The following CUBN variants were observed in gnomAD, a reference collection of about 807,000 sequenced individuals.
CUBN encodes the protein cubilin, also known as 460 kDa receptor.
CUBN carries 282 observed loss-of-function variants against 405.3 expected under a neutral mutation model. The ratio of observed to expected loss-of-function variants is 0.70; its 90% CI spans 0.63 to 0.77. The LOEUF (loss-of-function observed/expected upper bound fraction) is 0.77, where lower values mean the gene tolerates loss of function less well. Ranked by LOEUF, CUBN falls within the 30% of genes least tolerant of loss-of-function variation. CUBN has a pLI of 0.00. For missense variants in CUBN, 4,514 were observed against 4,475.2 expected (o/e 1.01, Z -0.25); for synonymous variants, 1,684 against 1,617.0 (o/e 1.04, Z -0.99).
In CUBN at chr10:16,928,305, T is replaced by C. The variant is rs75386064; in HGVS notation, c.6125-2A>G. The stretch of plus-strand genomic sequence containing the variant: ...GCTGCTGGGCCAAGTTATTATCTCC[T>C]ACGTTGAAAGAAAGGGAACAACATG... On this transcript the variant is annotated splice_acceptor_variant, in intron 40 of 66. Transcript: ENST00000377833. LOFTEE classifies it high-confidence loss of function. The C allele has an allele frequency of 4.6e-4, 742 of 1,613,652 alleles. 3 individuals are homozygous for C. In the African/African-American group the frequency reaches 7.1e-3, roughly 16 times the overall value.
At chr10:16,867,287 G>C (rs1487784185) in intron 59 of CUBN, among the ~76,000 whole-genome samples, 1 of 152,162 alleles carries the variant, frequency 6.6e-6, no homozygotes, top group Non-Finnish European at 1.5e-5. Context: ...GGAGGCAAAA[G>C]GGGCATCCTA....
chr10:17,071,715 T>C, intron 18 of CUBN, 111 bp from the exon 19 acceptor site: 1 of 1,481,870 alleles, frequency 6.7e-7, no homozygotes, highest in Non-Finnish European at 9.3e-7. Flanking sequence ...AACATTTCTA[T>C]GAGAATATTT....
intron 27 of CUBN, 81 bp from the exon 28 acceptor site, chr10:17,020,064 A>C: frequency 6.6e-7 from 1 of 1,517,682 alleles, no homozygotes; most frequent in South Asian, 1.1e-5. Context: ...AAGTAGCAAA[A>C]GCTGTTCCTT....
chr10:16,927,798 T>C (rs1842234241), intron 41 of CUBN, among the ~76,000 whole-genome samples: 1 of 152,230 alleles, frequency 6.6e-6, no homozygotes. Flanking sequence ...GACGTTTTGC[T>C]CCTTCGATGA....
intron 56 of CUBN, among the ~76,000 whole-genome samples, chr10:16,887,516 G>C (rs900716472): frequency 1.3e-5 from 2 of 152,136 alleles, no homozygotes; most frequent in Non-Finnish European, 2.9e-5. Flanking sequence ...GAACCAATTA[G>C]AGTTTACTTA....
At chr10:16,990,728 T>C (rs1833560457) in intron 28 of CUBN, among the ~76,000 whole-genome samples, 2 of 152,224 alleles carry the variant, frequency 1.3e-5, no homozygotes, top group African/African-American at 4.8e-5. Flanking sequence ...TCAAAAACAC[T>C]GGATTATATA....
At position 16,824,000 on chromosome 10, in the gene CUBN, T is replaced by C. The variant is rs530230036; in HGVS notation, c.*975A>G. ...ATTCAATAATGTTTATTATGTGTAATTGAACATTCACAGGAAATTTATGCT... is the reference window on the plus strand; with the variant it reads ...ATTCAATAATGTTTATTATGTGTAACTGAACATTCACAGGAAATTTATGCT... On this transcript the variant is annotated 3_prime_UTR_variant, in exon 67 of 67. Transcript: ENST00000377833. 3.9e-5 allele frequency: 6 copies of C among 152,356 alleles called. No individual in the cohort carries two copies. The highest frequency in any genetic ancestry group is 9.6e-5 in the African/African-American group (4 of 41,574). The allele number at this position is 152,356 out of a possible 1,614,324, so 9.4% of individuals were successfully genotyped here. A position where few individuals can be genotyped will look rare whatever the true frequency, so the allele number is the denominator to read the frequency against.
At chr10:16,878,909 T>C (rs1298101899) in intron 56 of CUBN, among the ~76,000 whole-genome samples, 1 of 152,258 alleles carries the variant, frequency 6.6e-6, no homozygotes, top group Non-Finnish European at 1.5e-5. Flanking sequence ...TTCCTCTTTA[T>C]GGCTGAATAT....
intron 48 of CUBN, 87 bp downstream of exon 48, chr10:16,913,724 C>G: frequency 1.3e-6 from 2 of 1,512,148 alleles, no homozygotes; most frequent in Non-Finnish European, 1.8e-6. Context: ...GGCAATTTTC[C>G]TGACCTAGTT....
In CUBN at chr10:16,840,943, G is replaced by T. The variant is rs1387056215; in HGVS notation, c.9768C>A (p.Phe3256Leu). ...CCCTCTCTAATGTTAAGTCACTGAT[G>T]AATTGAACCGTAAGGAAGTTACCAG... ...ISSGNFLTVQ[F>L]ISDLTLEREG... Residue 3256 changes from phenylalanine to leucine, a missense_variant, in exon 61 of 67, where the codon TTC (phenylalanine) becomes TTA (leucine). Physicochemically the swap from Phe to Leu is conservative, Grantham distance 22. Around this residue, in one of 5 missense-constraint regions of CUBN, gnomAD observed 1,186 missense variants for 1,186.9 expected, o/e 1.00. Transcript: ENST00000377833. 6.8e-6 allele frequency: 11 copies of T among 1,613,440 alleles called. No homozygotes were observed. The South Asian group carries it at 1.2e-4, about 18-fold the overall frequency.
At chr10:17,068,027 G>C in intron 21 of CUBN, 37 bp downstream of exon 21, 1 of 1,535,464 alleles carries the variant, frequency 6.5e-7, no homozygotes, top group East Asian at 2.3e-5. Context: ...AATCAGTGAA[G>C]TTTTATTGTT....
intron 38 of CUBN, among the ~76,000 whole-genome samples, chr10:16,938,217 G>C (rs898598739): frequency 3.9e-5 from 6 of 152,096 alleles, no homozygotes; most frequent in African/African-American, 1.4e-4. Context: ...TATCCTAAAG[G>C]AGTCCATATT....
At chr10:17,009,210 T>TA (rs1834110893) in intron 28 of CUBN, among the ~76,000 whole-genome samples, 1 of 152,232 alleles carries the variant, frequency 6.6e-6, no homozygotes, top group Admixed American at 6.5e-5. Flanking sequence ...AGCACAGAGT[T>TA]AAAAAACAAT....
intron 51 of CUBN, among the ~76,000 whole-genome samples, chr10:16,901,802 G>A (rs866458455): frequency 6.7e-4 from 101 of 149,654 alleles, no homozygotes; most frequent in African/African-American, 1.8e-3. Flanking sequence ...GTAGTGAACC[G>A]AGGTCATGCC....
At chr10:16,914,814 C>T (rs1309016557) in intron 47 of CUBN, among the ~76,000 whole-genome samples, 1 of 152,186 alleles carries the variant, frequency 6.6e-6, no homozygotes, top group Non-Finnish European at 1.5e-5. Flanking sequence ...GTATAACTCT[C>T]ATCCTCTTAT....
intron 6 of CUBN, chr10:17,122,479 C>A: frequency 2.4e-6 from 1 of 419,962 alleles, no homozygotes; most frequent in Admixed American, 3.4e-5. Context: ...TTCAATGCTC[C>A]GGCTCTTCCT....
intron 31 of CUBN, among the ~76,000 whole-genome samples, chr10:16,959,412 T>A (rs1843157984): frequency 6.6e-6 from 1 of 152,156 alleles, no homozygotes; most frequent in South Asian, 2.1e-4. Flanking sequence ...GCAGATCACC[T>A]GAAGTCGGGA....
At chr10:16,898,333 C>G (rs1004707571) in intron 54 of CUBN, among the ~76,000 whole-genome samples, 1 of 151,918 alleles carries the variant, frequency 6.6e-6, no homozygotes, top group Non-Finnish European at 1.5e-5. Context: ...ACTTAAAGGC[C>G]AATTGTTTAA....
intron 60 of CUBN, among the ~76,000 whole-genome samples, chr10:16,845,847 A>C (rs1026061719): frequency 1.3e-5 from 2 of 152,218 alleles, no homozygotes; most frequent in African/African-American, 4.8e-5. Context: ...GCATTAAGTC[A>C]GACCTTCTCA....
Sources: allele counts gnomAD v4.1 joint callset (sites outside exome capture counted in the v4.1 genomes callset), GRCh38; gene constraint gnomAD v4.1.1; regional missense constraint gnomAD v4.1.1; transcripts MANE v1.5; gene names NCBI Gene and HGNC (gene_info 2026-07-23, HGNC 2026-07-21).